The following PPP2CB variants were observed in gnomAD, a reference collection of about 807,000 sequenced individuals.
PPP2CB encodes the protein serine/threonine-protein phosphatase 2A catalytic subunit beta isoform.
PPP2CB carries 18 observed loss-of-function variants against 39.1 expected under a neutral mutation model. That is an observed-to-expected ratio of 0.46 (90% CI 0.32 to 0.68). The LOEUF is 0.68. Among genes scored for constraint, PPP2CB ranks in the 30% least tolerant of loss-of-function variants. The pLI is 0.04. For synonymous variants in PPP2CB, 129 were observed against 133.8 expected, an observed-to-expected ratio of 0.96 and a Z score of 0.25; for missense variants, 226 against 396.9, an observed-to-expected ratio of 0.57 and a Z score of 3.66.
chr8:30,807,033 C>T (rs945676736), intron 1 of PPP2CB, among the ~76,000 whole-genome samples: 5 of 152,180 alleles, frequency 3.3e-5, no homozygotes, highest in Non-Finnish European at 7.3e-5. Context: ...AATTTCTTTA[C>T]CTGTCCACTA....
intron 6 of PPP2CB, among the ~76,000 whole-genome samples, chr8:30,788,640 A>G (rs537375527): frequency 6.6e-6 from 1 of 152,346 alleles, no homozygotes; most frequent in South Asian, 2.1e-4. Flanking sequence ...CATGTTTTAC[A>G]GTCTAGCATA....
chr8:30,810,510 T>C (rs1460965236), intron 1 of PPP2CB, among the ~76,000 whole-genome samples: 1 of 152,190 alleles, frequency 6.6e-6, no homozygotes, highest in Admixed American at 6.5e-5. Flanking sequence ...ACTAACACTT[T>C]ACCCATAACT....
chr8:30,806,304 T>C (rs971385007), intron 1 of PPP2CB, among the ~76,000 whole-genome samples: 2 of 152,028 alleles, frequency 1.3e-5, no homozygotes, highest in Admixed American at 1.3e-4. Flanking sequence ...TCCGCCTGCC[T>C]TGGCCTCCCA....
Position 30,786,132 on chromosome 8 carries a change from T to A in PPP2CB, c.*103A>T, listed in dbSNP as rs969395848. 9.6e-7 allele frequency: 1 copy of A among 1,041,326 alleles called. No individual in the cohort carries two copies. The highest frequency in any genetic ancestry group is 1.6e-5 in the African/African-American group (1 of 61,816). The allele number at this position is 1,041,326 out of a possible 1,614,324, so 64.5% of individuals were successfully genotyped here. A position where few individuals can be genotyped will look rare whatever the true frequency, so the allele number is the denominator to read the frequency against. ...TAATGCCAAGACAGATCCCAATTTG[T>A]TACAGAAACACATAGATTACTGTTG... On this transcript the variant is annotated 3_prime_UTR_variant, in exon 7 of 7. Transcript: ENST00000221138.
intron 1 of PPP2CB, chr8:30,810,127 A>T (rs1806800116): frequency 6.6e-6 from 1 of 152,264 alleles, no homozygotes; most frequent in Non-Finnish European, 1.5e-5. Flanking sequence ...GCAGTGGTAC[A>T]ATATTCTTCT....
Position 30,812,319 on chromosome 8 carries a change from C to G in PPP2CB, c.102+1G>C. 1 of 1,525,816 alleles carries G rather than the reference C, an allele frequency of 6.6e-7. No individual in the cohort carries two copies. Among genetic ancestry groups the G allele is most frequent in the Non-Finnish European group, 8.8e-7 (1 of 1,132,814 alleles). 94.5% of individuals were successfully genotyped at this position (1,525,816 alleles called of 1,614,324 possible). On this transcript the variant is annotated splice_donor_variant, in intron 1 of 6. Coordinates refer to ENST00000221138, the MANE Select transcript of PPP2CB (RefSeq NM_001009552.2). LOFTEE classifies it high-confidence loss of function. ...CGCACTCGCCCCCGCGGCGCCCTCA[C>G]CTTCTCGCACAGCGTCCGCACTTGG...
chr8:30,794,882 C>G (rs1277412658), intron 3 of PPP2CB, among the ~76,000 whole-genome samples: 1 of 152,182 alleles, frequency 6.6e-6, no homozygotes, highest in African/African-American at 2.4e-5. Flanking sequence ...TTCATATTTT[C>G]TAAGTACATA....
intron 5 of PPP2CB, among the ~76,000 whole-genome samples, chr8:30,791,839 CATATGTATATATACGTGTAT>C (rs918903340): frequency 6.6e-6 from 1 of 150,636 alleles, no homozygotes; most frequent in African/African-American, 2.4e-5. Flanking sequence ...TGTGTATATA[CATATGTATATATACGTGTAT>C]ATATGTATAT....
intron 6 of PPP2CB, among the ~76,000 whole-genome samples, chr8:30,789,560 T>C (rs1026208970): frequency 6.6e-6 from 1 of 152,192 alleles, no homozygotes; most frequent in Non-Finnish European, 1.5e-5. Flanking sequence ...TGGATCTTCA[T>C]ACTGCACTCA....
In PPP2CB at chr8:30,812,679, T is replaced by A; in HGVS notation, c.-258A>T. ...CCCGCCCGGCCGCGCGCCGCGGGAG[T>A]CGGTGAAGGACGCGGTGAGGTGCCG... On this transcript the variant is annotated 5_prime_UTR_variant, in exon 1 of 7. Transcript: ENST00000221138. 1 of 340,174 alleles carries A rather than the reference T, an allele frequency of 2.9e-6. No individual in the cohort carries two copies. Among genetic ancestry groups the A allele is most frequent in the Non-Finnish European group, 5.4e-6 (1 of 184,452 alleles). The allele number at this position is 340,174 out of a possible 1,614,324, so 21.1% of individuals were successfully genotyped here. A position where few individuals can be genotyped will look rare whatever the true frequency, so the allele number is the denominator to read the frequency against.
intron 3 of PPP2CB, among the ~76,000 whole-genome samples, chr8:30,797,311 T>C (rs1806543729): frequency 6.6e-6 from 1 of 152,252 alleles, no homozygotes; most frequent in African/African-American, 2.4e-5. Flanking sequence ...CATTTATTTA[T>C]AATGTTTATC....
At chr8:30,790,668 C>A (rs908202753) in intron 6 of PPP2CB, among the ~76,000 whole-genome samples, 4 of 152,212 alleles carry the variant, frequency 2.6e-5, no homozygotes, top group African/African-American at 9.6e-5. Context: ...AGAGCTTCTG[C>A]CCCAGGAGCT....
chr8:30,797,035 G>T (rs939167076), intron 3 of PPP2CB, among the ~76,000 whole-genome samples: 1 of 151,494 alleles, frequency 6.6e-6, no homozygotes, highest in Non-Finnish European at 1.5e-5. Context: ...TTTTTGTAGA[G>T]ACAGGGTCTT....
At chr8:30,804,661 T>C (rs1252029819) in intron 1 of PPP2CB, among the ~76,000 whole-genome samples, 1 of 152,176 alleles carries the variant, frequency 6.6e-6, no homozygotes, top group African/African-American at 2.4e-5. Flanking sequence ...ACTAGTATAT[T>C]GGTGCCAAAA....
chr8:30,798,713 A>G (rs1445147646), intron 2 of PPP2CB, among the ~76,000 whole-genome samples: 1 of 152,240 alleles, frequency 6.6e-6, no homozygotes, highest in Non-Finnish European at 1.5e-5. Context: ...CACTAAGGAC[A>G]TATGTAAAAT....
At position 30,797,727 on chromosome 8, in the gene PPP2CB, A is replaced by G. The variant is rs1424863429; in HGVS notation, c.340T>C (p.Leu114=). The change falls in exon 3 of 7, where the codon TTG becomes CTG. Residue 114 remains leucine, a synonymous_variant. Transcript: ENST00000221138. ...TGTCGGCTTTCGTGATTTCCTCTCA[A>G]TATTGTAATGCGTTCTGGATAACGC... The part of the protein sequence containing the change: ...KVRYPERITI[L]RGNHESRQIT... 1 of 1,613,996 alleles carries G rather than the reference A, an allele frequency of 6.2e-7. No individual in the cohort carries two copies. Among genetic ancestry groups the G allele is most frequent in the Non-Finnish European group, 8.5e-7 (1 of 1,179,978 alleles).
chr8:30,812,645 C>T lies in PPP2CB; in HGVS notation c.-224G>A. On this transcript the variant is annotated 5_prime_UTR_variant, in exon 1 of 7. Coordinates refer to ENST00000221138, the MANE Select transcript of PPP2CB (RefSeq NM_001009552.2). ...CGCGCAGCCTGGAGGAGACCCCCGC[C>T]CGCCCTTCCCCGCCCGGCCGCGCGC... The T allele has an allele frequency of 5.4e-6, 2 of 372,766 alleles. No homozygotes were observed. The highest frequency in any genetic ancestry group is 4.8e-6 in the Non-Finnish European group (1 of 207,032). The allele number at this position is 372,766 out of a possible 1,614,324, so 23.1% of individuals were successfully genotyped here. A position where few individuals can be genotyped will look rare whatever the true frequency, so the allele number is the denominator to read the frequency against.
At chr8:30,788,547 G>A (rs1390578208) in intron 6 of PPP2CB, among the ~76,000 whole-genome samples, 1 of 152,218 alleles carries the variant, frequency 6.6e-6, no homozygotes. Context: ...ACAGCATCCA[G>A]CCATGTTAAT....
chr8:30,809,571 C>T (rs1483664928), intron 1 of PPP2CB, among the ~76,000 whole-genome samples: 2 of 152,010 alleles, frequency 1.3e-5, no homozygotes, highest in East Asian at 1.9e-4. Flanking sequence ...GCAACTCCAT[C>T]AATGGGGGTA....
Sources: gnomAD v4.1 joint callset for allele counts (sites outside exome capture counted in the v4.1 genomes callset) on GRCh38, gnomAD v4.1.1 for gene constraint, MANE v1.5 for transcripts, NCBI Gene and HGNC (gene_info 2026-07-23, HGNC 2026-07-21) for gene names.